CPHXL: variants seen among roughly 807,000 people sequenced by gnomAD.
The protein encoded by CPHXL is cytoplasmic polyadenylated homeobox-like protein.
At chr16:75,717,746 T>C (rs1397332987) in intron 2 of CPHXL, among the ~76,000 whole-genome samples, 1 of 152,236 alleles carries the variant, frequency 6.6e-6, no homozygotes, top group African/African-American at 2.4e-5. Context: ...ATTTTCATTT[T>C]TTAACTTTCC....
Position 75,724,015 on chromosome 16 carries a change from A to C in CPHXL, c.25+2403T>G, listed in dbSNP as rs947800019. ...CTTTGACAAACTTGACACAAACAAG[A>C]AATGGGGAAAGGATTCCCTATTTAA... On this transcript the variant is annotated intron_variant, in intron 1 of 2. Coordinates refer to ENST00000640559, the MANE Select transcript of CPHXL (RefSeq NM_001355613.1). Among the ~76,000 whole-genome samples the C allele has an allele frequency of 1.1e-3, 161 of 152,362 alleles. 1 individual carries two copies. The highest frequency in any genetic ancestry group is 6.8e-3 in the Middle Eastern group (2 of 294).
chr16:75,717,785 T>A (rs192569085), intron 2 of CPHXL, among the ~76,000 whole-genome samples: 1 of 152,352 alleles, frequency 6.6e-6, no homozygotes, highest in African/African-American at 2.4e-5. Context: ...GTTAGTTAAA[T>A]CTGTGCATGT....
chr16:75,726,018 A>G (rs1228345069), intron 1 of CPHXL, among the ~76,000 whole-genome samples: 4 of 152,080 alleles, frequency 2.6e-5, no homozygotes, highest in Non-Finnish European at 1.5e-5. Context: ...AGGAAGCAGT[A>G]GGGAAGAGGA....
rs1959361737 is a variant in CPHXL at position 75,714,536 on chromosome 16, C to G, written c.906G>C (p.Leu302=). ...AATCATTCTGCTGCTGTTGTCCCAG[C>G]AGTGAGAGACAGAATGAGCAAAGAC... The part of the protein sequence containing the change: ...DHCLCSFCLS[L]LGQQQQNDWQ... The change falls in exon 3 of 3, where the codon CTG becomes CTC. Residue 302 remains leucine (L), a synonymous_variant. Coordinates refer to ENST00000640559, the MANE Select transcript of CPHXL (RefSeq NM_001355613.1). 2.5e-6 allele frequency: 1 copy of G among 398,490 alleles called. No individual in the cohort carries two copies. The highest frequency in any genetic ancestry group is 4.4e-6 in the Non-Finnish European group (1 of 226,080). The allele number at this position is 398,490 out of a possible 1,614,324, so 24.7% of individuals were successfully genotyped here.
At chr16:75,725,009 G>T (rs1472762122) in intron 1 of CPHXL, among the ~76,000 whole-genome samples, 1 of 151,970 alleles carries the variant, frequency 6.6e-6, no homozygotes, top group African/African-American at 2.4e-5. Context: ...ATCATTCTCA[G>T]CAAACTATCA....
At chr16:75,715,431 G>C (rs1156918387) in intron 2 of CPHXL, among the ~76,000 whole-genome samples, 1 of 152,132 alleles carries the variant, frequency 6.6e-6, no homozygotes, top group Admixed American at 6.5e-5. Context: ...CGCATTTCTA[G>C]AACCATAACC....
At position 75,725,753 on chromosome 16, in the gene CPHXL, C is replaced by CTTTTTTTTTTTTTTTTTTTTTT. The variant is rs35659823; in HGVS notation, c.25+643_25+664dup. The stretch of plus-strand genomic sequence containing the variant: ...AGGAGTGAGCCACCGTGCCCGGCGT[C>CTTTTTTTTTTTTTTTTTTTTTT]TTTTTTTTTTTTTTTTTTTTTTTTT... On this transcript the variant is annotated intron_variant, in intron 1 of 2. Coordinates refer to ENST00000640559, the MANE Select transcript of CPHXL (RefSeq NM_001355613.1). 1.2e-4 allele frequency among the ~76,000 whole-genome samples: 5 copies of CTTTTTTTTTTTTTTTTTTTTTT among 43,318 alleles called. 1 individual carries two copies. In the East Asian group the frequency reaches 5.1e-3, roughly 44 times the overall value. The allele number at this position is 43,318 out of a possible 152,430, so 28.4% of individuals were successfully genotyped here. A position where few individuals can be genotyped will look rare whatever the true frequency, so the allele number is the denominator to read the frequency against.
At chr16:75,718,743 CA>C (rs1480277683) in intron 1 of CPHXL, among the ~76,000 whole-genome samples, 2 of 151,928 alleles carry the variant, frequency 1.3e-5, no homozygotes, top group Non-Finnish European at 3.0e-5. Context: ...TGGCTGTTTT[CA>C]AGCCACAACA....
At chr16:75,724,777 A>G (rs1289478274) in intron 1 of CPHXL, among the ~76,000 whole-genome samples, 1 of 152,208 alleles carries the variant, frequency 6.6e-6, no homozygotes, top group Admixed American at 6.5e-5. Context: ...ATTACTGGGT[A>G]TATACCCAAA....
chr16:75,719,250 G>C (rs1959439171), intron 1 of CPHXL, among the ~76,000 whole-genome samples: 1 of 152,182 alleles, frequency 6.6e-6, no homozygotes, highest in Non-Finnish European at 1.5e-5. Context: ...GTGTTGGGAA[G>C]TGGGTACAGG....
In CPHXL at chr16:75,715,226, G is replaced by C. The variant is rs1959373591; in HGVS notation, c.220-4C>G. 1 of 398,798 alleles carries C rather than the reference G, an allele frequency of 2.5e-6. No homozygotes were observed. The highest frequency in any genetic ancestry group is 2.1e-5 in the African/African-American group (1 of 48,752). The allele number at this position is 398,798 out of a possible 1,614,324, so 24.7% of individuals were successfully genotyped here. ...CTCTTTTATTCTGGAACCAATTCTA[G>C]AGAGAAAAGATAATATTGTTTTATT... On this transcript the variant is annotated splice_region_variant and splice_polypyrimidine_tract_variant and intron_variant, in intron 2 of 2. Transcript: ENST00000640559.
intron 1 of CPHXL, among the ~76,000 whole-genome samples, chr16:75,724,372 C>T (rs1322486786): frequency 2.0e-5 from 3 of 152,150 alleles, no homozygotes; most frequent in East Asian, 1.9e-4. Flanking sequence ...TGCAATCTAT[C>T]CATCTGACAA....
intron 1 of CPHXL, among the ~76,000 whole-genome samples, chr16:75,723,901 G>T (rs1959515414): frequency 6.6e-6 from 1 of 152,160 alleles, no homozygotes; most frequent in Non-Finnish European, 1.5e-5. Context: ...TACCAAAACA[G>T]CATGGTACTG....
At chr16:75,722,338 A>G (rs564577566) in intron 1 of CPHXL, among the ~76,000 whole-genome samples, 51 of 152,356 alleles carry the variant, frequency 3.3e-4, no homozygotes, top group African/African-American at 1.2e-3. Flanking sequence ...GAAAAGATCA[A>G]TAAAATTGAT....
In CPHXL at chr16:75,719,716, A is replaced by C. The variant is rs553722884; in HGVS notation, c.26-1258T>G. Among the ~76,000 whole-genome samples the C allele has an allele frequency of 8.5e-5, 13 of 152,324 alleles. No individual in the cohort carries two copies. The South Asian group carries it at 2.3e-3, about 27-fold the overall frequency. ...AATAAAAGGCAGCAGAATCATCTTC[A>C]GACTTAAATGTCCCTGTCTGACAGC... On this transcript the variant is annotated intron_variant, in intron 1 of 2. Coordinates refer to ENST00000640559, the MANE Select transcript of CPHXL (RefSeq NM_001355613.1).
chr16:75,717,425 G>A (rs922470486), intron 2 of CPHXL, among the ~76,000 whole-genome samples: 29 of 152,012 alleles, frequency 1.9e-4, no homozygotes, highest in Non-Finnish European at 4.4e-5. Flanking sequence ...GATGTCTCAG[G>A]CCCTCATATA....
At chr16:75,724,762 A>G (rs1322549009) in intron 1 of CPHXL, among the ~76,000 whole-genome samples, 2 of 152,216 alleles carry the variant, frequency 1.3e-5, no homozygotes, top group African/African-American at 4.8e-5. Context: ...TGACCCAGCC[A>G]TCCCATTACT....
Position 75,725,753 on chromosome 16 carries a change from C to CTTTTTTTTTT in CPHXL, c.25+655_25+664dup, listed in dbSNP as rs35659823. On this transcript the variant is annotated intron_variant, in intron 1 of 2. Coordinates refer to ENST00000640559, the MANE Select transcript of CPHXL (RefSeq NM_001355613.1). Reference sequence around the variant, plus strand: ...AGGAGTGAGCCACCGTGCCCGGCGTCTTTTTTTTTTTTTTTTTTTTTTTTT... The same window carrying CTTTTTTTTTT: ...AGGAGTGAGCCACCGTGCCCGGCGTCTTTTTTTTTTTTTTTTTTTTTTTTTTTTTTTTTTT... Among the ~76,000 whole-genome samples the CTTTTTTTTTT allele has an allele frequency of 1.3e-3, 58 of 43,318 alleles. 4 individuals are homozygous for CTTTTTTTTTT. The highest frequency in any genetic ancestry group is 0.01 in the East Asian group (6 of 588). 28.4% of individuals were successfully genotyped at this position (43,318 alleles called of 152,430 possible).
chr16:75,724,112 C>A (rs1477366613), intron 1 of CPHXL, among the ~76,000 whole-genome samples: 2 of 152,260 alleles, frequency 1.3e-5, no homozygotes, highest in African/African-American at 4.8e-5. Flanking sequence ...ACACTTTATA[C>A]AAAAATTAAT....
Sources: allele counts gnomAD v4.1 joint callset (sites outside exome capture counted in the v4.1 genomes callset), GRCh38; gene constraint gnomAD v4.1.1; transcripts MANE v1.5; gene names NCBI Gene and HGNC (gene_info 2026-07-23, HGNC 2026-07-21).